Variants in CSMD1 observed in about 807,000 individuals in gnomAD.
The protein encoded by CSMD1 is CUB and Sushi multiple domains 1, also known as CUB and sushi domain-containing protein 1.
CSMD1 carries 213 observed loss-of-function variants against 417.5 expected under a neutral mutation model. That is an observed-to-expected ratio of 0.51 (90% CI 0.46 to 0.57). The LOEUF is 0.57. Ranked by LOEUF, CSMD1 falls within the 20% of genes least tolerant of loss-of-function variation. CSMD1 has a pLI of 0.00. For missense variants in CSMD1, 6,923 were observed against 4,529.7 expected (o/e 1.53, Z -15.17); for synonymous variants, 2,862 against 1,736.8 (o/e 1.65, Z -16.11).
At chr8:4,041,208 G>A (rs1281184548) in intron 3 of CSMD1, among the ~76,000 whole-genome samples, 11 of 151,798 alleles carry the variant, frequency 7.2e-5, no homozygotes, top group African/African-American at 1.7e-4. Flanking sequence ...TGGTAGAGAC[G>A]GGGTTTCACC....
At chr8:3,620,623 T>C (rs1008821289) in intron 7 of CSMD1, among the ~76,000 whole-genome samples, 2 of 152,126 alleles carry the variant, frequency 1.3e-5, no homozygotes, top group African/African-American at 4.8e-5. Context: ...TGTTATATGT[T>C]ATCTCCATGG....
At chr8:3,901,236 T>C (rs1040693142) in intron 5 of CSMD1, among the ~76,000 whole-genome samples, 1 of 152,206 alleles carries the variant, frequency 6.6e-6, no homozygotes, top group South Asian at 2.1e-4. Flanking sequence ...AAATGCTTAG[T>C]AATGTTCTTT....
intron 5 of CSMD1, among the ~76,000 whole-genome samples, chr8:3,922,586 T>C (rs1809352104): frequency 6.6e-6 from 1 of 152,148 alleles, no homozygotes. Flanking sequence ...TAGGATTAAA[T>C]AAAACATCTT....
chr8:4,313,834 T>G (rs1420238702), intron 3 of CSMD1, among the ~76,000 whole-genome samples: 1 of 151,818 alleles, frequency 6.6e-6, no homozygotes, highest in Non-Finnish European at 1.5e-5. Context: ...ACCAATATGG[T>G]GAAACCTCAT....
chr8:4,506,912 G>T (rs1220910812), intron 2 of CSMD1, among the ~76,000 whole-genome samples: 10 of 151,986 alleles, frequency 6.6e-5, no homozygotes, highest in Non-Finnish European at 1.5e-4. Context: ...CTGTATCTTA[G>T]GTACATTTTT....
chr8:4,700,908 A>T (rs1807490455), intron 1 of CSMD1, among the ~76,000 whole-genome samples: 2 of 152,162 alleles, frequency 1.3e-5, no homozygotes, highest in South Asian at 4.1e-4. Context: ...AAACCAGAAG[A>T]TTTCAGAGGA....
At chr8:4,548,545 A>C (rs1203410644) in intron 2 of CSMD1, among the ~76,000 whole-genome samples, 1 of 152,196 alleles carries the variant, frequency 6.6e-6, no homozygotes, top group Non-Finnish European at 1.5e-5. Context: ...TTCATGTCAC[A>C]CTGAATTCAA....
intron 10 of CSMD1, among the ~76,000 whole-genome samples, chr8:3,554,158 G>C (rs1488571016): frequency 1.3e-5 from 2 of 152,220 alleles, no homozygotes; most frequent in African/African-American, 4.8e-5. Flanking sequence ...TACACAAAAA[G>C]AAGGTAGACA....
At chr8:3,182,728 G>C (rs1400844057) in intron 36 of CSMD1, among the ~76,000 whole-genome samples, 1 of 122,870 alleles carries the variant, frequency 8.1e-6, no homozygotes, top group African/African-American at 3.0e-5. Context: ...AAGGACTCTG[G>C]CTGTCTCTTT....
At chr8:4,754,007 C>A (rs531882826) in intron 1 of CSMD1, among the ~76,000 whole-genome samples, 1 of 152,190 alleles carries the variant, frequency 6.6e-6, no homozygotes, top group South Asian at 2.1e-4. Context: ...GTCTGCCCAG[C>A]TAAAGATTCG....
intron 12 of CSMD1, among the ~76,000 whole-genome samples, chr8:3,415,156 A>G (rs1396182122): frequency 1.3e-5 from 2 of 152,178 alleles, no homozygotes; most frequent in African/African-American, 4.8e-5. Context: ...AATTGTATAT[A>G]TTGTTCATCT....
At chr8:4,978,873 G>T (rs1305916058) in intron 1 of CSMD1, among the ~76,000 whole-genome samples, 1 of 136,300 alleles carries the variant, frequency 7.3e-6, no homozygotes, top group African/African-American at 2.5e-5. Flanking sequence ...AGGAGGCGGA[G>T]GTTGCAGTGA....
chr8:4,943,647 T>C lies in CSMD1; in HGVS notation c.85+50685A>G, dbSNP rs1489691060. Among the ~76,000 whole-genome samples, 3 of 152,220 alleles carry C rather than the reference T, an allele frequency of 2.0e-5. No homozygotes were observed. In the South Asian group the frequency reaches 6.2e-4, roughly 31 times the overall value. ...GGGTGTGATGATTTATACTATGTTG[T>C]CCAAGTTATCCTATCTAGAACTTTG... On this transcript the variant is annotated intron_variant, in intron 1 of 69. Transcript: ENST00000635120.
intron 1 of CSMD1, among the ~76,000 whole-genome samples, chr8:4,966,002 G>A (rs551286116): frequency 6.6e-6 from 1 of 152,074 alleles, no homozygotes; most frequent in Admixed American, 6.6e-5. Flanking sequence ...ATGCAAATCA[G>A]ACTGAAGGAT....
In CSMD1 at chr8:3,630,921, G is replaced by C. The variant is rs560613484; in HGVS notation, c.1010-14124C>G. On this transcript the variant is annotated intron_variant, in intron 7 of 69. Transcript: ENST00000635120. ...TGGATTAGAGAGCCGAGATCTCTTA[G>C]AGAAACATGGTATTCACTTTCTTCC... Among the ~76,000 whole-genome samples the C allele has an allele frequency of 2.9e-4, 44 of 152,318 alleles. No homozygotes were observed. In the South Asian group the frequency reaches 6.8e-3, roughly 24 times the overall value.
intron 1 of CSMD1, among the ~76,000 whole-genome samples, chr8:4,834,057 A>C (rs1156642808): frequency 6.6e-6 from 1 of 152,180 alleles, no homozygotes; most frequent in Non-Finnish European, 1.5e-5. Context: ...CACCATTAGC[A>C]ATGTAATTTT....
At chr8:4,104,260 T>C (rs1801450898) in intron 3 of CSMD1, among the ~76,000 whole-genome samples, 1 of 152,220 alleles carries the variant, frequency 6.6e-6, no homozygotes, top group African/African-American at 2.4e-5. Context: ...TAATGATTTA[T>C]CTCACTCCAT....
intron 3 of CSMD1, among the ~76,000 whole-genome samples, chr8:4,191,847 C>G (rs1222227615): frequency 6.6e-6 from 1 of 151,074 alleles, no homozygotes; most frequent in Non-Finnish European, 1.5e-5. Context: ...GCAAAATCAA[C>G]AGTCAGTTTC....
chr8:4,458,740 G>C (rs1046887171), intron 2 of CSMD1, among the ~76,000 whole-genome samples: 1 of 152,022 alleles, frequency 6.6e-6, no homozygotes, highest in African/African-American at 2.4e-5. Flanking sequence ...TTCTCCTTTT[G>C]TTACTTACAA....
Sources: allele counts gnomAD v4.1 joint callset (sites outside exome capture counted in the v4.1 genomes callset), GRCh38; gene constraint gnomAD v4.1.1; transcripts MANE v1.5; gene names NCBI Gene and HGNC (gene_info 2026-07-23, HGNC 2026-07-21).